Variants in SSH2 observed in about 807,000 individuals in gnomAD.
SSH2 encodes protein phosphatase Slingshot homolog 2.
SSH2 carries 37 observed loss-of-function variants against 135.2 expected under a neutral mutation model. The observed-to-expected ratio is 0.27, with a 90% CI of 0.21 to 0.36. SSH2 has a LOEUF of 0.36. SSH2 is among the 10% of genes least tolerant of loss of function. The pLI, the probability that SSH2 is intolerant of heterozygous loss-of-function variation, is 1.00. For synonymous variants in SSH2, 628 were observed against 646.2 expected (o/e 0.97, Z 0.43); for missense variants, 1,408 against 1,765.3 (o/e 0.80, Z 3.63).
intron 12 of SSH2, among the ~76,000 whole-genome samples, chr17:29,655,243 A>G (rs1231569856): frequency 1.3e-5 from 2 of 151,954 alleles, no homozygotes; most frequent in Non-Finnish European, 2.9e-5. Flanking sequence ...AGCTGGGACT[A>G]CAGGCGCCCG....
At chr17:29,821,543 G>T (rs1318315532) in intron 2 of SSH2, among the ~76,000 whole-genome samples, 1 of 151,772 alleles carries the variant, frequency 6.6e-6, no homozygotes, top group African/African-American at 2.4e-5. Context: ...AATCAGTAAG[G>T]ACTTAAAAAT....
At chr17:29,824,680 G>A (rs2042714173) in intron 2 of SSH2, among the ~76,000 whole-genome samples, 2 of 152,146 alleles carry the variant, frequency 1.3e-5, no homozygotes, top group South Asian at 2.1e-4. Context: ...TTTAGGAATG[G>A]CAGTAGAGAA....
intron 15 of SSH2, among the ~76,000 whole-genome samples, chr17:29,635,187 C>T (rs999565965): frequency 6.6e-6 from 1 of 152,100 alleles, no homozygotes; most frequent in African/African-American, 2.4e-5. Flanking sequence ...CAGGCGTGAG[C>T]CACCGCGCCC....
intron 3 of SSH2, chr17:29,716,361 T>TA (rs1297070001): frequency 4.1e-6 from 2 of 483,998 alleles, no homozygotes; most frequent in African/African-American, 4.0e-5. Context: ...TCTTGGCTCT[T>TA]AGAGTGCTTT....
intron 4 of SSH2, 121 bp downstream of exon 4, chr17:29,702,838 T>C: frequency 1.2e-6 from 1 of 845,570 alleles, no homozygotes; most frequent in South Asian, 1.5e-5. Flanking sequence ...TACGGCCCTG[T>C]ACAATGCTTT....
intron 11 of SSH2, among the ~76,000 whole-genome samples, chr17:29,657,574 G>GTTTTTTTTTTT (rs764763821): frequency 1.2e-5 from 1 of 80,076 alleles, no homozygotes; most frequent in Admixed American, 1.9e-4. Flanking sequence ...CGGCTACTTT[G>GTTTTTTTTTTT]TTTTTTTTTT....
Position 29,626,939 on chromosome 17 carries a change from CA to C in SSH2, c.*3901del, listed in dbSNP as rs1253274234. ...CAAAATTAAACAAAATGACACTAGC[CA>C]TTCACCATTACAACCATCACTATAA... On this transcript the variant is annotated 3_prime_UTR_variant, in exon 16 of 16. Transcript: ENST00000540801. 6.6e-6 allele frequency: 1 copy of C among 152,228 alleles called. No individual in the cohort carries two copies. The highest frequency in any genetic ancestry group is 1.5e-5 in the Non-Finnish European group (1 of 68,026). 9.4% of individuals were successfully genotyped at this position (152,228 alleles called of 1,614,324 possible).
intron 1 of SSH2, among the ~76,000 whole-genome samples, chr17:29,916,343 C>T (rs2066881007): frequency 6.6e-6 from 1 of 152,126 alleles, no homozygotes; most frequent in South Asian, 2.1e-4. Flanking sequence ...CAAACCAAAG[C>T]ATAGAGCAGT....
At chr17:29,793,356 A>AG (rs2042104505) in intron 3 of SSH2, among the ~76,000 whole-genome samples, 1 of 152,210 alleles carries the variant, frequency 6.6e-6, no homozygotes, top group Non-Finnish European at 1.5e-5. Flanking sequence ...CCCTTTGTAT[A>AG]GAAACAAAGT....
At chr17:29,906,891 G>A (rs1446267627) in intron 1 of SSH2, among the ~76,000 whole-genome samples, 1 of 152,130 alleles carries the variant, frequency 6.6e-6, no homozygotes, top group Non-Finnish European at 1.5e-5. Context: ...TGGAGAAAAA[G>A]GAACATTTTT....
intron 3 of SSH2, among the ~76,000 whole-genome samples, chr17:29,767,792 A>C (rs2041482459): frequency 6.6e-6 from 1 of 152,164 alleles, no homozygotes; most frequent in East Asian, 1.9e-4. Flanking sequence ...AATCTATTTA[A>C]ATAGTCCTTT....
intron 7 of SSH2, 26 bp downstream of exon 7, chr17:29,677,647 A>G (rs1323312556): frequency 6.2e-7 from 1 of 1,606,884 alleles, no homozygotes; most frequent in Admixed American, 1.7e-5. Context: ...GCTTTCTGTA[A>G]CAGAATAAAA....
intron 2 of SSH2, among the ~76,000 whole-genome samples, chr17:29,798,573 TATTAC>T (rs1189233715): frequency 2.6e-5 from 4 of 152,214 alleles, no homozygotes; most frequent in Admixed American, 2.6e-4. Flanking sequence ...TCGTTATGCA[TATTAC>T]ATAACCTCAT....
At chr17:29,678,769 C>T (rs1358110271) in intron 6 of SSH2, among the ~76,000 whole-genome samples, 1 of 129,924 alleles carries the variant, frequency 7.7e-6, no homozygotes, top group East Asian at 2.3e-4. Flanking sequence ...GGCTGGAGGA[C>T]AGTGGCATAA....
At chr17:29,857,379 C>T (rs536327018) in intron 1 of SSH2, among the ~76,000 whole-genome samples, 1 of 152,252 alleles carries the variant, frequency 6.6e-6, no homozygotes, top group East Asian at 1.9e-4. Context: ...ATGAGAACAG[C>T]ACGGGAAAGA....
At chr17:29,640,384 G>C (rs2036104020) in intron 14 of SSH2, among the ~76,000 whole-genome samples, 1 of 152,122 alleles carries the variant, frequency 6.6e-6, no homozygotes, top group Admixed American at 6.6e-5. Context: ...CCCCTCCAAA[G>C]TATGTTTTTT....
intron 11 of SSH2, among the ~76,000 whole-genome samples, chr17:29,660,501 G>C (rs2036986775): frequency 6.6e-6 from 1 of 151,800 alleles, no homozygotes; most frequent in Admixed American, 6.6e-5. Flanking sequence ...TCTTGACCTT[G>C]TGATCTGCCC....
At chr17:29,696,299 T>C (rs1238557659) in intron 4 of SSH2, among the ~76,000 whole-genome samples, 1 of 149,098 alleles carries the variant, frequency 6.7e-6, no homozygotes, top group Non-Finnish European at 1.5e-5. Context: ...TATATACACA[T>C]GCATATATGT....
chr17:29,713,360 C>T (rs1044571685), intron 3 of SSH2, among the ~76,000 whole-genome samples: 2 of 152,040 alleles, frequency 1.3e-5, no homozygotes, highest in Non-Finnish European at 2.9e-5. Flanking sequence ...ACAAAACCCC[C>T]CCAAAGAAAA....
Sources: gnomAD v4.1 joint callset for allele counts (sites outside exome capture counted in the v4.1 genomes callset) on GRCh38, gnomAD v4.1.1 for gene constraint, MANE v1.5 for transcripts, NCBI Gene and HGNC (gene_info 2026-07-23, HGNC 2026-07-21) for gene names.